The following POT1 variants were observed in gnomAD, a reference collection of about 807,000 sequenced individuals.
POT1 encodes the protein protection of telomeres 1.
Under a neutral mutation model 78.5 loss-of-function variants are expected in POT1, and 47 were observed. The ratio of observed to expected loss-of-function variants is 0.60; its 90% CI spans 0.47 to 0.76. POT1 has a LOEUF of 0.76. POT1 is among the 30% of genes least tolerant of loss of function. The pLI, the probability that POT1 is intolerant of heterozygous loss-of-function variation, is 0.00. For synonymous variants in POT1, 259 were observed against 260.7 expected (o/e 0.99, Z 0.06); for missense variants, 646 against 749.9 (o/e 0.86, Z 1.62).
chr7:124,858,334 A>C (rs1471084917), intron 9 of POT1, among the ~76,000 whole-genome samples: 3 of 152,170 alleles, frequency 2.0e-5, no homozygotes, highest in Admixed American at 1.3e-4. Flanking sequence ...CTTTACTACA[A>C]AAAGTACTTT....
At chr7:124,852,535 A>G (rs1374571194) in intron 10 of POT1, among the ~76,000 whole-genome samples, 2 of 152,168 alleles carry the variant, frequency 1.3e-5, no homozygotes, top group East Asian at 3.8e-4. Context: ...AAAATTTTAA[A>G]AAGTTTAAAA....
At chr7:124,875,967 G>T (rs183109537) in intron 6 of POT1, among the ~76,000 whole-genome samples, 7 of 152,142 alleles carry the variant, frequency 4.6e-5, no homozygotes, top group Admixed American at 1.3e-4. Flanking sequence ...TATAAATAAA[G>T]GTAGTGGAAA....
At chr7:124,908,844 A>G (rs972944433) in intron 3 of POT1, among the ~76,000 whole-genome samples, 3 of 151,948 alleles carry the variant, frequency 2.0e-5, no homozygotes, top group Non-Finnish European at 4.4e-5. Flanking sequence ...ACGAATCTTA[A>G]AATAAAATAA....
At position 124,846,985 on chromosome 7, in the gene POT1, T is replaced by C; in HGVS notation, c.963A>G (p.Val321=). The C allele has an allele frequency of 1.2e-6, 2 of 1,605,288 alleles. No individual in the cohort carries two copies. Among genetic ancestry groups the C allele is most frequent in the Non-Finnish European group, 1.7e-6 (2 of 1,172,266 alleles). ...GACATCTTTCTACCTCGTATAATGA[T>C]ACTGATCCAGAGCCTATAAAAAGGA... The part of the protein sequence containing the change: ...PDDSFPSSGS[V]SLYEVERCQQ... Residue 321 remains valine (V), a synonymous_variant, in exon 12 of 19, where the codon GTA becomes GTG. Coordinates refer to ENST00000357628, the MANE Select transcript of POT1 (RefSeq NM_015450.3).
At chr7:124,856,349 G>T (rs1183607914) in intron 9 of POT1, among the ~76,000 whole-genome samples, 1 of 152,088 alleles carries the variant, frequency 6.6e-6, no homozygotes, top group Non-Finnish European at 1.5e-5. Context: ...AAAATCTAAA[G>T]TTATATTACT....
At chr7:124,845,442 T>A (rs771565558) in intron 12 of POT1, among the ~76,000 whole-genome samples, 3 of 152,190 alleles carry the variant, frequency 2.0e-5, no homozygotes, top group Non-Finnish European at 4.4e-5. Context: ...TTGGCAGGAA[T>A]AATGCGTAAG....
At chr7:124,841,751 C>T (rs554164360) in intron 13 of POT1, among the ~76,000 whole-genome samples, 5 of 151,912 alleles carry the variant, frequency 3.3e-5, no homozygotes, top group South Asian at 2.1e-4. Context: ...AGACAGTTTC[C>T]GTTAATTTCT....
At chr7:124,867,239 C>A (rs551829794) in intron 7 of POT1, among the ~76,000 whole-genome samples, 3 of 152,158 alleles carry the variant, frequency 2.0e-5, no homozygotes, top group African/African-American at 7.2e-5. Flanking sequence ...ACTGAAATAG[C>A]CTTCTAAAGA....
rs1220175199 is a variant in POT1, at chr7:124,846,958, T to C, written c.990A>G (p.Gln330=). The part of the protein sequence containing the change: ...SVSLYEVERC[Q]QLSATILTDH... ...TAGTCTTACTTGTAGCAGATAGCTGTTGACATCTTTCTACCTCGTATAATG... is the reference window on the plus strand; with the variant it reads ...TAGTCTTACTTGTAGCAGATAGCTGCTGACATCTTTCTACCTCGTATAATG... Residue 330 remains glutamine, a synonymous_variant, in exon 12 of 19, where the codon CAA becomes CAG. Transcript: ENST00000357628. 1 of 1,604,268 alleles carries C rather than the reference T, an allele frequency of 6.2e-7. No homozygotes were observed. Among genetic ancestry groups the C allele is most frequent in the East Asian group, 2.2e-5 (1 of 44,770 alleles).
chr7:124,835,181 G>T, intron 15 of POT1, 98 bp downstream of exon 15: 1 of 1,407,728 alleles, frequency 7.1e-7, no homozygotes. Context: ...ACAATAGCAC[G>T]TGTATACCTA....
intron 6 of POT1, among the ~76,000 whole-genome samples, chr7:124,871,724 C>A (rs1795874364): frequency 8.8e-6 from 1 of 113,828 alleles, no homozygotes. Context: ...ATAGATCCTG[C>A]CTTAAAATTT....
chr7:124,842,685 T>C (rs1795056265), intron 13 of POT1, 122 bp downstream of exon 13: 1 of 725,610 alleles, frequency 1.4e-6, no homozygotes, highest in East Asian at 3.5e-5. Context: ...AATTTACCAT[T>C]CTTGCAAAAT....
intron 6 of POT1, among the ~76,000 whole-genome samples, chr7:124,874,267 C>G (rs947400897): frequency 6.6e-6 from 1 of 152,112 alleles, no homozygotes; most frequent in African/African-American, 2.4e-5. Flanking sequence ...CCACCCTAGG[C>G]TGAAAATTTC....
intron 5 of POT1, among the ~76,000 whole-genome samples, chr7:124,893,600 T>C (rs879873970): frequency 2.0e-5 from 3 of 151,532 alleles, no homozygotes; most frequent in Non-Finnish European, 4.4e-5. Context: ...GAAACCAAGA[T>C]GGCTGACTGG....
At chr7:124,847,171 A>AT (rs557030814) in intron 11 of POT1, among the ~76,000 whole-genome samples, 173 bp from the exon 12 acceptor site, 12 of 152,244 alleles carry the variant, frequency 7.9e-5, no homozygotes, top group Non-Finnish European at 1.2e-4. Context: ...CTCCAAATTA[A>AT]TCTGTAAATT....
At chr7:124,875,923 A>G (rs1204541315) in intron 6 of POT1, among the ~76,000 whole-genome samples, 1 of 152,174 alleles carries the variant, frequency 6.6e-6, no homozygotes, top group African/African-American at 2.4e-5. Context: ...ATTTACATAA[A>G]ATGGCATGGA....
intron 6 of POT1, among the ~76,000 whole-genome samples, chr7:124,891,193 C>T (rs1243251636): frequency 6.6e-6 from 1 of 151,704 alleles, no homozygotes; most frequent in African/African-American, 2.4e-5. Flanking sequence ...GGATTAAGCG[C>T]TCTGATGTTA....
At chr7:124,842,552 AT>A (rs1192723197) in intron 13 of POT1, among the ~76,000 whole-genome samples, 1 of 151,992 alleles carries the variant, frequency 6.6e-6, no homozygotes, top group Admixed American at 6.6e-5. Flanking sequence ...TATATTCATC[AT>A]TTATTATTTC....
chr7:124,876,817 C>T (rs7811106), intron 6 of POT1, among the ~76,000 whole-genome samples: 3,061 of 152,248 alleles, frequency 0.02, 94 homozygotes, highest in African/African-American at 0.068. Flanking sequence ...AAAAGCCATA[C>T]AAAAATATTC....
Sources: gnomAD v4.1 joint callset for allele counts (sites outside exome capture counted in the v4.1 genomes callset) on GRCh38, gnomAD v4.1.1 for gene constraint, MANE v1.5 for transcripts, NCBI Gene and HGNC (gene_info 2026-07-23, HGNC 2026-07-21) for gene names.